Variants in G2E3 observed in about 807,000 individuals in gnomAD.
G2E3 encodes G2/M-phase specific E3 ubiquitin protein ligase.
G2E3 carries 35 observed loss-of-function variants against 92.8 expected under a neutral mutation model. The observed-to-expected ratio is 0.38, with a 90% CI of 0.29 to 0.50. The LOEUF is 0.50. Among genes scored for constraint, G2E3 ranks in the 20% least tolerant of loss-of-function variants. G2E3 has a pLI of 0.94. For missense variants in G2E3, 554 were observed against 823.8 expected, an observed-to-expected ratio of 0.67 and a Z score of 4.01; for synonymous variants, 242 against 272.4, an observed-to-expected ratio of 0.89 and a Z score of 1.10.
intron 3 of G2E3, among the ~76,000 whole-genome samples, chr14:30,587,730 G>GTAAA (rs1410454307): frequency 4.0e-5 from 6 of 151,898 alleles, no homozygotes; most frequent in Non-Finnish European, 8.8e-5. Context: ...GGGCCTCTTA[G>GTAAA]TAAATAAGGC....
At position 30,567,493 on chromosome 14, in the gene G2E3, A is replaced by T. The variant is rs576083543; in HGVS notation, c.-5+8221A>T. Reference sequence around the variant, plus strand: ...TTTTTATTTGTATTAGGTCTGTAGCAGTGTCCCACTTTCATTTCTTCTGAT... The same window carrying T: ...TTTTTATTTGTATTAGGTCTGTAGCTGTGTCCCACTTTCATTTCTTCTGAT... On this transcript the variant is annotated intron_variant, in intron 1 of 14. Transcript: ENST00000206595. 2.8e-4 allele frequency among the ~76,000 whole-genome samples: 42 copies of T among 152,084 alleles called. 1 individual carries two copies. The highest frequency in any genetic ancestry group is 9.1e-4 in the African/African-American group (38 of 41,546).
At chr14:30,614,230 T>A (rs1348831844) in intron 13 of G2E3, among the ~76,000 whole-genome samples, 3 of 149,926 alleles carry the variant, frequency 2.0e-5, no homozygotes, top group Non-Finnish European at 4.4e-5. Flanking sequence ...TTTTTAATGA[T>A]AACAGATAAA....
chr14:30,576,231 T>C (rs908108729), intron 1 of G2E3, among the ~76,000 whole-genome samples: 3 of 152,198 alleles, frequency 2.0e-5, no homozygotes, highest in African/African-American at 7.2e-5. Flanking sequence ...TACAACCATC[T>C]GATCTTTGAC....
intron 1 of G2E3, among the ~76,000 whole-genome samples, chr14:30,575,576 A>G (rs531205048): frequency 6.6e-6 from 1 of 152,322 alleles, no homozygotes; most frequent in South Asian, 2.1e-4. Context: ...GAGGAAGTCA[A>G]ACTATCTCTT....
At chr14:30,572,945 T>C (rs931125037) in intron 1 of G2E3, among the ~76,000 whole-genome samples, 3 of 152,130 alleles carry the variant, frequency 2.0e-5, no homozygotes, top group African/African-American at 7.2e-5. Context: ...TACTATACCA[T>C]GCTACTTTTT....
In G2E3 at chr14:30,581,095, C is replaced by A; in HGVS notation, c.16C>A (p.Pro6Thr). 6.8e-7 allele frequency: 1 copy of A among 1,475,994 alleles called. No individual in the cohort carries two copies. The highest frequency in any genetic ancestry group is 9.5e-7 in the Non-Finnish European group (1 of 1,056,780). The allele number at this position is 1,475,994 out of a possible 1,614,324, so 91.4% of individuals were successfully genotyped here. The change falls in exon 2 of 15, where the codon CCT (proline) becomes ACT (threonine). Residue 6 changes from proline (P) to threonine (T), a missense_variant. Pro to Thr is a conservative substitution (Grantham distance 38). This residue lies in a region of G2E3 where 137 missense variants were observed against 201.3 expected (regional missense o/e 0.68). Coordinates refer to ENST00000206595, the MANE Select transcript of G2E3 (RefSeq NM_017769.5). ...TCCTAGTAAAATGAATGAAAGTAAA[C>A]CTGGTGACTCACAGAACCTTGGTAA... MNESKPGDSQNLACVF... is the reference protein window; with the variant it reads MNESKTGDSQNLACVF...
chr14:30,594,112 A>G (rs948827156), intron 6 of G2E3, among the ~76,000 whole-genome samples: 4 of 152,190 alleles, frequency 2.6e-5, no homozygotes, highest in Non-Finnish European at 5.9e-5. Context: ...AATTAAAAAT[A>G]TTGGTTCTTT....
In G2E3 at chr14:30,593,541, T is replaced by C; in HGVS notation, c.430T>C (p.Cys144Arg). Residue 144 changes from cysteine to arginine, a missense_variant, in exon 6 of 15, where the codon TGC becomes CGC. Coordinates refer to ENST00000206595, the MANE Select transcript of G2E3 (RefSeq NM_017769.5). Reference protein sequence around the residue: ...TSNNYRESLPCTICLEFIEPI... With the variant: ...TSNNYRESLPRTICLEFIEPI... Reference sequence around the variant, plus strand: ...TAATAATTATAGAGAGTCCTTACCATGCACCATTTGCTTGGAATTTATTGA... The same window carrying C: ...TAATAATTATAGAGAGTCCTTACCACGCACCATTTGCTTGGAATTTATTGA... 1 of 1,564,218 alleles carries C rather than the reference T, an allele frequency of 6.4e-7. No homozygotes were observed. Among genetic ancestry groups the C allele is most frequent in the Non-Finnish European group, 8.8e-7 (1 of 1,134,948 alleles).
chr14:30,570,332 T>G (rs190254709), intron 1 of G2E3, among the ~76,000 whole-genome samples: 226 of 152,310 alleles, frequency 1.5e-3, no homozygotes, highest in African/African-American at 5.1e-3. Context: ...GATCTTGAGC[T>G]TCTTAAAAAT....
intron 10 of G2E3, 135 bp downstream of exon 10, chr14:30,602,266 C>G: frequency 7.9e-6 from 5 of 633,090 alleles, no homozygotes. Flanking sequence ...CAGGACCCAA[C>G]ATTTGATCAT....
chr14:30,612,612 C>G (rs1372140654), intron 13 of G2E3, among the ~76,000 whole-genome samples: 2 of 152,114 alleles, frequency 1.3e-5, no homozygotes, highest in Non-Finnish European at 2.9e-5. Flanking sequence ...AATCCCAGCA[C>G]TTCGGGAGGC....
intron 2 of G2E3, among the ~76,000 whole-genome samples, chr14:30,584,487 C>G (rs1566535043): frequency 6.6e-6 from 1 of 152,178 alleles, no homozygotes; most frequent in Non-Finnish European, 1.5e-5. Flanking sequence ...TTTTATATTT[C>G]TACCAGCAGT....
chr14:30,590,064 T>G (rs769814878), intron 4 of G2E3, among the ~76,000 whole-genome samples: 1 of 152,124 alleles, frequency 6.6e-6, no homozygotes, highest in Non-Finnish European at 1.5e-5. Flanking sequence ...GTGCATCTTC[T>G]ATATAACAGC....
chr14:30,562,670 A>G (rs929536468), intron 1 of G2E3, among the ~76,000 whole-genome samples: 1 of 152,114 alleles, frequency 6.6e-6, no homozygotes, highest in Non-Finnish European at 1.5e-5. Flanking sequence ...GACACCAGTC[A>G]GGCCCACCCG....
At chr14:30,606,078 A>G (rs1256380740) in intron 11 of G2E3, among the ~76,000 whole-genome samples, 3 of 152,110 alleles carry the variant, frequency 2.0e-5, no homozygotes, top group Admixed American at 6.5e-5. Flanking sequence ...GTGTAACTTT[A>G]TCTTAACTCT....
intron 2 of G2E3, among the ~76,000 whole-genome samples, chr14:30,583,695 T>C (rs748613497): frequency 1.3e-5 from 2 of 152,220 alleles, no homozygotes; most frequent in African/African-American, 2.4e-5. Flanking sequence ...AAGTAATGCA[T>C]ATGATAATTA....
chr14:30,560,815 T>G (rs7156057), intron 1 of G2E3: 13,675 of 701,804 alleles, frequency 0.019, 1,141 homozygotes, highest in African/African-American at 0.19. Context: ...GAGGATGGCA[T>G]TGAACAGTCT....
At position 30,617,022 on chromosome 14, in the gene G2E3, T is replaced by TTA. The variant is rs377325017; in HGVS notation, c.*489_*490dup. 1 of 152,686 alleles carries TTA rather than the reference T, an allele frequency of 6.5e-6. No individual in the cohort carries two copies. Among genetic ancestry groups the TTA allele is most frequent in the African/African-American group, 2.4e-5 (1 of 41,576 alleles). The allele number at this position is 152,686 out of a possible 1,614,324, so 9.5% of individuals were successfully genotyped here. On this transcript the variant is annotated 3_prime_UTR_variant, in exon 15 of 15. Transcript: ENST00000206595. Reference sequence around the variant, plus strand: ...AGAGTCATATATTCTGGGATTTGTGTTACTATGCATACTTTTCTAGGATGT... The same window carrying TTA: ...AGAGTCATATATTCTGGGATTTGTGTTATACTATGCATACTTTTCTAGGATGT...
intron 4 of G2E3, among the ~76,000 whole-genome samples, chr14:30,591,972 C>T (rs146735236): frequency 6.2e-4 from 94 of 152,010 alleles, no homozygotes; most frequent in African/African-American, 2.1e-3. Flanking sequence ...AATTTATGTG[C>T]TTTCTCTTGA....
Sources: gnomAD v4.1 joint callset for allele counts (sites outside exome capture counted in the v4.1 genomes callset) on GRCh38, gnomAD v4.1.1 for gene constraint, gnomAD v4.1.1 regional missense constraint, MANE v1.5 for transcripts, NCBI Gene and HGNC (gene_info 2026-07-23, HGNC 2026-07-21) for gene names.